Variants in EVI5 observed in about 807,000 individuals in gnomAD.
EVI5 encodes ecotropic viral integration site 5 protein homolog.
In EVI5, 73 loss-of-function variants were observed where a neutral mutation model predicts 112.0. The ratio of observed to expected loss-of-function variants is 0.65; its 90% CI spans 0.54 to 0.79. EVI5 has a LOEUF of 0.79. EVI5 is among the 30% of genes least tolerant of loss of function. The pLI is 0.00. For synonymous variants in EVI5, 305 were observed against 319.9 expected, an observed-to-expected ratio of 0.95 and a Z score of 0.50; for missense variants, 900 against 968.8, an observed-to-expected ratio of 0.93 and a Z score of 0.94.
intron 18 of EVI5, among the ~76,000 whole-genome samples, chr1:92,590,896 T>C (rs892380723): frequency 6.6e-5 from 10 of 152,348 alleles, no homozygotes; most frequent in South Asian, 2.1e-4. Context: ...GGAAGCCCAT[T>C]AGACTAACAG....
At chr1:92,529,856 A>C (rs1348727720) in intron 19 of EVI5, among the ~76,000 whole-genome samples, 1 of 152,226 alleles carries the variant, frequency 6.6e-6, no homozygotes, top group Admixed American at 6.5e-5. Context: ...AAATAAATCA[A>C]TGGGCATATT....
At chr1:92,784,154 GAGATGA>G in intron 1 of EVI5, 1 of 253,694 alleles carries the variant, frequency 3.9e-6, no homozygotes, top group Non-Finnish European at 6.2e-6. Flanking sequence ...GATGCCAAAT[GAGATGA>G]TCTAAGAAGC....
intron 19 of EVI5, among the ~76,000 whole-genome samples, chr1:92,559,201 T>A (rs1023636253): frequency 8.5e-5 from 13 of 152,202 alleles, no homozygotes; most frequent in Admixed American, 5.2e-4. Flanking sequence ...ATAAAATTTG[T>A]AGATGTTCAG....
intron 15 of EVI5, among the ~76,000 whole-genome samples, chr1:92,625,144 G>A (rs1381463142): frequency 6.6e-6 from 1 of 152,070 alleles, no homozygotes; most frequent in Non-Finnish European, 1.5e-5. Context: ...AGGAAGGAAT[G>A]TTAGAAGTTA....
chr1:92,703,523 C>A lies in EVI5; in HGVS notation c.436G>T (p.Glu146Ter), dbSNP rs202133693. 3.1e-6 allele frequency: 5 copies of A among 1,603,436 alleles called. No homozygotes were observed. The highest frequency in any genetic ancestry group is 4.2e-6 in the Non-Finnish European group (5 of 1,177,350). ...CAAGGCGAGGTCATTTTCAGGAGTT[C>A]TGAATACTGATCCTTAATTGGCATA... is the stretch of plus-strand genomic sequence containing the variant. ...QSMPIKDQYS[E>*]LLKMTSPCEK... Residue 146 changes from glutamate to a stop codon, truncating the protein, a stop_gained, in exon 4 of 20, where the codon GAA becomes TAA. Coordinates refer to ENST00000684568, the MANE Select transcript of EVI5 (RefSeq NM_001350197.2). LOFTEE classifies it high-confidence loss of function.
chr1:92,692,342 G>A (rs1669618947), intron 9 of EVI5, among the ~76,000 whole-genome samples: 1 of 152,202 alleles, frequency 6.6e-6, no homozygotes, highest in Non-Finnish European at 1.5e-5. Context: ...TGGCTAGTGT[G>A]AGTTCAATGT....
chr1:92,642,599 T>G (rs2101970262), intron 13 of EVI5, among the ~76,000 whole-genome samples: 1 of 152,362 alleles, frequency 6.6e-6, no homozygotes, highest in East Asian at 1.9e-4. Context: ...CTAAAATACA[T>G]TATCTAGAAG....
intron 16 of EVI5, among the ~76,000 whole-genome samples, chr1:92,612,860 T>G (rs1354969148): frequency 6.6e-6 from 1 of 151,738 alleles, no homozygotes; most frequent in Non-Finnish European, 1.5e-5. Context: ...AGAATAAATA[T>G]CAGACTGGTG....
chr1:92,647,679 C>A (rs1661223922), intron 13 of EVI5: 2 of 284,886 alleles, frequency 7.0e-6, no homozygotes, highest in South Asian at 5.5e-5. Flanking sequence ...GGTCACCTAG[C>A]AAGAGGGAAG....
intron 18 of EVI5, among the ~76,000 whole-genome samples, chr1:92,587,133 A>G (rs1672936245): frequency 6.6e-6 from 1 of 152,142 alleles, no homozygotes; most frequent in African/African-American, 2.4e-5. Context: ...GACACGAAAG[A>G]ATCTCTGAAC....
intron 4 of EVI5, 121 bp downstream of exon 4, chr1:92,703,274 C>A: frequency 1.6e-6 from 1 of 631,948 alleles, no homozygotes. Context: ...ATGCTAAAAC[C>A]AATTTCACTG....
At chr1:92,756,760 G>T (rs1407094440) in intron 1 of EVI5, 47 of 502,776 alleles carry the variant, frequency 9.3e-5, no homozygotes, top group Non-Finnish European at 1.7e-4. Context: ...TACTATGCAC[G>T]CCTCATCTTA....
intron 5 of EVI5, among the ~76,000 whole-genome samples, chr1:92,699,177 A>C (rs1284481051): frequency 2.6e-5 from 4 of 152,124 alleles, no homozygotes; most frequent in Non-Finnish European, 2.9e-5. Context: ...CTCTCAACAC[A>C]GATGGCCACA....
intron 19 of EVI5, among the ~76,000 whole-genome samples, chr1:92,561,055 T>TCATCACATAGA: frequency 6.6e-6 from 1 of 152,276 alleles, no homozygotes; most frequent in East Asian, 1.9e-4. Context: ...TGGTCTGTTT[T>TCATCACATAGA]CATCACATAG....
chr1:92,752,605 T>C (rs972488039), intron 1 of EVI5, among the ~76,000 whole-genome samples: 7 of 152,072 alleles, frequency 4.6e-5, no homozygotes, highest in African/African-American at 1.7e-4. Flanking sequence ...CTGGGAACTT[T>C]TCCTTCTTTG....
upstream of EVI5, among the ~76,000 whole-genome samples, chr1:92,786,343 G>A (rs1360167094): frequency 6.6e-6 from 1 of 151,306 alleles, no homozygotes; most frequent in East Asian, 1.9e-4. Context: ...TTGAAAACTT[G>A]AACTTTTATC....
At chr1:92,635,553 C>T (rs1245158651) in intron 14 of EVI5, among the ~76,000 whole-genome samples, 1 of 152,152 alleles carries the variant, frequency 6.6e-6, no homozygotes, top group African/African-American at 2.4e-5. Context: ...GTGCGAGTGA[C>T]CCGATTTTCC....
At chr1:92,685,269 T>C (rs2102394269) in intron 9 of EVI5, among the ~76,000 whole-genome samples, 1 of 152,224 alleles carries the variant, frequency 6.6e-6, no homozygotes, top group Non-Finnish European at 1.5e-5. Flanking sequence ...AACGCACAAC[T>C]ATATGGAAAC....
chr1:92,572,544 C>T (rs181526262), intron 18 of EVI5, among the ~76,000 whole-genome samples: 1 of 152,216 alleles, frequency 6.6e-6, no homozygotes, highest in East Asian at 1.9e-4. Flanking sequence ...CCAAAGATTA[C>T]TTTAGAGTAG....
Sources: gnomAD v4.1 joint callset for allele counts (sites outside exome capture counted in the v4.1 genomes callset) on GRCh38, gnomAD v4.1.1 for gene constraint, MANE v1.5 for transcripts, NCBI Gene and HGNC (gene_info 2026-07-23, HGNC 2026-07-21) for gene names.